The following GABRG3 variants were observed in gnomAD, a reference collection of about 807,000 sequenced individuals.
GABRG3 encodes gamma-aminobutyric acid receptor subunit gamma-3.
A neutral mutation model predicts 48.8 loss-of-function variants in GABRG3; 25 were observed. That is an observed-to-expected ratio of 0.51 (90% CI 0.37 to 0.72). The LOEUF is 0.72. Ranked by LOEUF, GABRG3 falls within the 30% of genes least tolerant of loss-of-function variation. The pLI is 0.00. For synonymous variants in GABRG3, 227 were observed against 217.6 expected, an observed-to-expected ratio of 1.04 and a Z score of -0.38; for missense variants, 394 against 577.9, an observed-to-expected ratio of 0.68 and a Z score of 3.26.
chr15:27,394,484 G>T (rs1887240096), intron 5 of GABRG3, among the ~76,000 whole-genome samples: 1 of 151,914 alleles, frequency 6.6e-6, no homozygotes. Context: ...GTAGAAAATT[G>T]TTATTAAAGT....
At chr15:27,429,269 T>C (rs1421004539) in intron 5 of GABRG3, among the ~76,000 whole-genome samples, 1 of 152,208 alleles carries the variant, frequency 6.6e-6, no homozygotes, top group Admixed American at 6.5e-5. Context: ...TTGTTTGACC[T>C]TTCCGTGTCC....
intron 3 of GABRG3, among the ~76,000 whole-genome samples, chr15:27,177,204 G>A (rs1887775251): frequency 6.6e-6 from 1 of 152,146 alleles, no homozygotes; most frequent in Non-Finnish European, 1.5e-5. Flanking sequence ...TTATAGGACT[G>A]GTTGAGTCAG....
At chr15:27,411,071 T>G (rs138217095) in intron 5 of GABRG3, among the ~76,000 whole-genome samples, 1,871 of 152,272 alleles carry the variant, frequency 0.012, 40 homozygotes, top group African/African-American at 0.042. Context: ...CAGTTAGATA[T>G]TAGAGCTTTT....
chr15:27,478,532 GA>G (rs1486985365), intron 5 of GABRG3, among the ~76,000 whole-genome samples: 1 of 152,154 alleles, frequency 6.6e-6, no homozygotes, highest in African/African-American at 2.4e-5. Context: ...TGGAGAAATA[GA>G]AACCCTTGTA....
intron 5 of GABRG3, among the ~76,000 whole-genome samples, chr15:27,392,335 C>T (rs935393509): frequency 4.6e-5 from 7 of 152,202 alleles, no homozygotes; most frequent in Admixed American, 2.0e-4. Flanking sequence ...GTTTCTCAGA[C>T]TTACATTGTT....
chr15:27,445,777 T>G (rs1324846144), intron 5 of GABRG3, among the ~76,000 whole-genome samples: 1 of 152,222 alleles, frequency 6.6e-6, no homozygotes, highest in Non-Finnish European at 1.5e-5. Context: ...TTCTGAAAGT[T>G]TTGCAGTACC....
chr15:27,049,195 G>C (rs1896414468), intron 3 of GABRG3, among the ~76,000 whole-genome samples: 1 of 152,238 alleles, frequency 6.6e-6, no homozygotes, highest in Non-Finnish European at 1.5e-5. Context: ...TTTGATTAGG[G>C]AGCCCTGCAT....
chr15:27,328,736 G>C, intron 4 of GABRG3, 70 bp from the exon 5 acceptor site: 1 of 1,306,438 alleles, frequency 7.7e-7, no homozygotes, highest in Admixed American at 1.7e-5. Context: ...CCCACATGGG[G>C]TGCCGTAACG....
chr15:27,029,595 G>A (rs1329336712), intron 3 of GABRG3, among the ~76,000 whole-genome samples: 1 of 152,118 alleles, frequency 6.6e-6, no homozygotes, highest in African/African-American at 2.4e-5. Context: ...GTTCTCCTTG[G>A]GTGAGTTGCT....
intron 3 of GABRG3, among the ~76,000 whole-genome samples, chr15:27,171,930 CA>C (rs1887585485): frequency 6.6e-6 from 1 of 152,164 alleles, no homozygotes; most frequent in South Asian, 2.1e-4. Flanking sequence ...AGTCCAAGAG[CA>C]TGGTGCTGGC....
intron 2 of GABRG3, among the ~76,000 whole-genome samples, chr15:27,005,214 A>G (rs1199665232): frequency 6.6e-6 from 1 of 151,600 alleles, no homozygotes; most frequent in East Asian, 1.9e-4. Context: ...TTATTTATTT[A>G]TTTTTGAGAT....
intron 3 of GABRG3, among the ~76,000 whole-genome samples, chr15:27,120,191 A>G (rs1897707801): frequency 6.6e-6 from 1 of 152,176 alleles, no homozygotes; most frequent in Non-Finnish European, 1.5e-5. Flanking sequence ...CTGCTTTTAC[A>G]TGCCAGATCT....
chr15:27,198,039 CT>C lies in GABRG3; in HGVS notation c.271-128766del, dbSNP rs529073598. On this transcript the variant is annotated intron_variant, in intron 3 of 9. Transcript: ENST00000615808. ...CTAGCGGTCTATCTATTTTGTCAAT[CT>C]TTTCAAAAATCCAGCTCCTAGGTAA... Among the ~76,000 whole-genome samples, 5 of 152,094 alleles carry C rather than the reference CT, an allele frequency of 3.3e-5. No individual in the cohort carries two copies. The South Asian group carries it at 1.0e-3, about 32-fold the overall frequency.
intron 6 of GABRG3, among the ~76,000 whole-genome samples, chr15:27,508,940 C>G (rs976252199): frequency 2.4e-4 from 37 of 152,112 alleles, no homozygotes; most frequent in Non-Finnish European, 5.9e-5. Context: ...GGGATGCTTT[C>G]AATCTCCTGA....
intron 3 of GABRG3, among the ~76,000 whole-genome samples, chr15:27,239,893 C>T (rs1447056250): frequency 1.3e-5 from 2 of 152,126 alleles, no homozygotes; most frequent in Non-Finnish European, 2.9e-5. Context: ...ACATTATAAA[C>T]CAGTACTAAT....
At chr15:27,311,596 C>G (rs559995115) in intron 3 of GABRG3, among the ~76,000 whole-genome samples, 1 of 151,954 alleles carries the variant, frequency 6.6e-6, no homozygotes, top group Non-Finnish European at 1.5e-5. Context: ...AACAATAAAA[C>G]ACACACACAC....
At chr15:27,149,342 C>A (rs904007052) in intron 3 of GABRG3, among the ~76,000 whole-genome samples, 1 of 151,006 alleles carries the variant, frequency 6.6e-6, no homozygotes. Context: ...AATTAACAAT[C>A]TAAATAAATG....
chr15:27,527,894 A>G (rs368131532), intron 8 of GABRG3, 39 bp from the exon 9 acceptor site: 11 of 1,470,962 alleles, frequency 7.5e-6, no homozygotes, highest in Non-Finnish European at 8.4e-6. Context: ...GCAAATGTTC[A>G]TGACAGTTTC....
intron 6 of GABRG3, among the ~76,000 whole-genome samples, chr15:27,516,123 A>G (rs993325898): frequency 1.3e-5 from 2 of 150,660 alleles, no homozygotes; most frequent in African/African-American, 2.4e-5. Flanking sequence ...AAAAAAAAAA[A>G]CACCCCTACC....
Sources: gnomAD v4.1 joint callset for allele counts (sites outside exome capture counted in the v4.1 genomes callset) on GRCh38, gnomAD v4.1.1 for gene constraint, MANE v1.5 for transcripts, NCBI Gene and HGNC (gene_info 2026-07-23, HGNC 2026-07-21) for gene names.